SLC24A2: variants seen among roughly 807,000 people sequenced by gnomAD.
The protein encoded by SLC24A2 is solute carrier family 24 member 2, also known as sodium/potassium/calcium exchanger 2.
SLC24A2 carries 36 observed loss-of-function variants against 62.0 expected under a neutral mutation model. The ratio of observed to expected loss-of-function variants is 0.58; its 90% confidence interval spans 0.44 to 0.77. The LOEUF is 0.77. Among genes scored for constraint, SLC24A2 ranks in the 30% least tolerant of loss-of-function variants. The pLI is 0.00. For synonymous variants in SLC24A2, 358 were observed against 294.0 expected (o/e 1.22, Z -2.23); for missense variants, 846 against 817.9 (o/e 1.03, Z -0.42).
chr9:19,527,853 T>G lies in SLC24A2; in HGVS notation c.1569+196A>C, dbSNP rs151311977. ...CCACATGGCTGTCCAGAGGCTATGCTGATTTAATTCCATGCTACAGCCAGA... is the reference window on the plus strand; with the variant it reads ...CCACATGGCTGTCCAGAGGCTATGCGGATTTAATTCCATGCTACAGCCAGA... On this transcript the variant is annotated intron_variant, in intron 9 of 10. Coordinates refer to ENST00000341998, the MANE Select transcript of SLC24A2 (RefSeq NM_020344.4). Among the ~76,000 whole-genome samples the G allele has an allele frequency of 3.8e-3, 572 of 152,374 alleles. 1 individual carries two copies. The highest frequency in any genetic ancestry group is 0.013 in the African/African-American group (529 of 41,588).
At chr9:19,623,456 T>G (rs568482410) in intron 2 of SLC24A2, among the ~76,000 whole-genome samples, 1 of 152,196 alleles carries the variant, frequency 6.6e-6, no homozygotes, top group Non-Finnish European at 1.5e-5. Context: ...TGTAAAGATA[T>G]TAAGATGTCC....
At chr9:20,172,598 G>C in the SLC24A2 span, among the ~76,000 whole-genome samples, 2 of 152,054 alleles carry the variant, frequency 1.3e-5, no homozygotes, top group Non-Finnish European at 2.9e-5. Flanking sequence ...TGAAAACCTA[G>C]AGGAGATGGA....
At chr9:20,193,797 C>A in the SLC24A2 span, among the ~76,000 whole-genome samples, 1 of 152,070 alleles carries the variant, frequency 6.6e-6, no homozygotes, top group Non-Finnish European at 1.5e-5. Context: ...AATTCAATGA[C>A]TTATCTACAG....
chr9:19,788,021 G>A (rs1823225686), intron 1 of SLC24A2, among the ~76,000 whole-genome samples: 1 of 152,156 alleles, frequency 6.6e-6, no homozygotes, highest in Admixed American at 6.5e-5. Context: ...TCTCTTTTTA[G>A]TTTTTCTTTA....
chr9:20,300,781 A>G, the SLC24A2 span, among the ~76,000 whole-genome samples: 2 of 152,188 alleles, frequency 1.3e-5, no homozygotes, highest in Non-Finnish European at 1.5e-5. Flanking sequence ...GGAACTTATT[A>G]AAGACTCTTG....
At chr9:19,846,954 C>T in the SLC24A2 span, among the ~76,000 whole-genome samples, 4 of 151,906 alleles carry the variant, frequency 2.6e-5, no homozygotes, top group Non-Finnish European at 5.9e-5. Context: ...CTTGGAATGT[C>T]GAGGCTGCAG....
the SLC24A2 span, among the ~76,000 whole-genome samples, chr9:20,033,296 G>A: frequency 6.6e-6 from 1 of 152,162 alleles, no homozygotes; most frequent in African/African-American, 2.4e-5. Context: ...TAATTGCTGA[G>A]CACGTCATTT....
At chr9:20,167,850 T>A in the SLC24A2 span, among the ~76,000 whole-genome samples, 1 of 151,520 alleles carries the variant, frequency 6.6e-6, no homozygotes, top group African/African-American at 2.4e-5. Context: ...TTCCCAGGTA[T>A]CTGGGATTAC....
intron 2 of SLC24A2, among the ~76,000 whole-genome samples, chr9:19,773,490 A>C (rs1395131262): frequency 6.6e-6 from 1 of 152,208 alleles, no homozygotes; most frequent in Non-Finnish European, 1.5e-5. Context: ...GTTTCTAATG[A>C]TTCCTCTTTC....
the SLC24A2 span, among the ~76,000 whole-genome samples, chr9:20,198,195 G>A: frequency 6.6e-6 from 1 of 152,188 alleles, no homozygotes; most frequent in African/African-American, 2.4e-5. Flanking sequence ...TTTGGGGAAA[G>A]GATGAGTTCA....
the SLC24A2 span, among the ~76,000 whole-genome samples, chr9:19,974,749 A>C: frequency 1.8e-4 from 28 of 152,226 alleles, no homozygotes; most frequent in Non-Finnish European, 3.7e-4. Flanking sequence ...TAGAGCACAC[A>C]TATTAACCAG....
the SLC24A2 span, among the ~76,000 whole-genome samples, chr9:20,146,065 A>G: frequency 3.3e-5 from 5 of 152,098 alleles, no homozygotes; most frequent in African/African-American, 7.2e-5. Flanking sequence ...CTCATTGCCA[A>G]TCTGGGGTAT....
the SLC24A2 span, among the ~76,000 whole-genome samples, chr9:20,119,847 T>A: frequency 4.6e-5 from 7 of 152,170 alleles, no homozygotes; most frequent in South Asian, 4.1e-4. Flanking sequence ...ATTGTTTACA[T>A]AGAAAATCCT....
At chr9:20,190,071 C>A in the SLC24A2 span, among the ~76,000 whole-genome samples, 2 of 152,172 alleles carry the variant, frequency 1.3e-5, no homozygotes, top group Non-Finnish European at 2.9e-5. Flanking sequence ...TCCTCTCCAG[C>A]GGTTCCCTGG....
chr9:20,126,623 G>A, the SLC24A2 span, among the ~76,000 whole-genome samples: 113 of 152,168 alleles, frequency 7.4e-4, 3 homozygotes, highest in South Asian at 0.011. Flanking sequence ...GGAAAGTGCC[G>A]GAAATGAGTG....
chr9:19,627,268 A>G (rs1232650095), intron 2 of SLC24A2, among the ~76,000 whole-genome samples: 6 of 152,244 alleles, frequency 3.9e-5, no homozygotes, highest in Non-Finnish European at 8.8e-5. Context: ...ACATTTTGGA[A>G]GCAAAGCCTT....
At chr9:19,754,100 A>T (rs868378988) in intron 2 of SLC24A2, among the ~76,000 whole-genome samples, 1 of 152,240 alleles carries the variant, frequency 6.6e-6, no homozygotes, top group Non-Finnish European at 1.5e-5. Context: ...CTATGAAGGT[A>T]AAAAAGCTTA....
the SLC24A2 span, among the ~76,000 whole-genome samples, chr9:19,820,052 TATACAC>T: frequency 0.028 from 683 of 24,360 alleles, 30 homozygotes; most frequent in African/African-American, 0.049. Flanking sequence ...CATATATATA[TATACAC>T]ATATATATAT....
chr9:19,871,420 T>C, the SLC24A2 span, among the ~76,000 whole-genome samples: 1 of 152,166 alleles, frequency 6.6e-6, no homozygotes, highest in Admixed American at 6.5e-5. Context: ...CCACTGGTAG[T>C]TTTTTCTTTC....
Sources: allele counts gnomAD v4.1 joint callset (sites outside exome capture counted in the v4.1 genomes callset), GRCh38; gene constraint gnomAD v4.1.1; transcripts MANE v1.5; gene names NCBI Gene and HGNC (gene_info 2026-07-23, HGNC 2026-07-21).